NDST1: variants seen among roughly 807,000 people sequenced by gnomAD.
NDST1 encodes the protein bifunctional heparan sulfate N-deacetylase/N-sulfotransferase 1.
A neutral mutation model predicts 92.8 loss-of-function variants in NDST1; 35 were observed. That is an observed-to-expected ratio of 0.38 (90% confidence interval 0.29 to 0.50). The LOEUF is 0.50. Among genes scored for constraint, NDST1 ranks in the 20% least tolerant of loss-of-function variants. NDST1 has a pLI of 0.94. For synonymous variants in NDST1, 493 were observed against 500.3 expected (o/e 0.99, Z 0.19); for missense variants, 822 against 1,182.7 (o/e 0.69, Z 4.47).
intron 1 of NDST1, among the ~76,000 whole-genome samples, chr5:150,513,887 G>T (rs1270032864): frequency 6.6e-6 from 1 of 152,260 alleles, no homozygotes; most frequent in African/African-American, 2.4e-5. Flanking sequence ...CAACTCCAGA[G>T]CAGTGGCCAC....
upstream of NDST1, among the ~76,000 whole-genome samples, chr5:150,503,304 C>T (rs536608185): frequency 2.6e-5 from 4 of 152,098 alleles, no homozygotes; most frequent in South Asian, 4.1e-4. Context: ...TAGCCAGACA[C>T]GGTGGCACAC....
chr5:150,535,880 A>G lies in NDST1; in HGVS notation c.1432A>G (p.Ile478Val), dbSNP rs373125426. ...CCGCCGTGGCTTCATCCACAATGGC[A>G]TCATGGTGAGTGGGCCCCTGGAAGC... ...RYRRGFIHNG[I>V]MVLPRQTCGL... The change falls in exon 6 of 15, where the codon ATC (isoleucine) becomes GTC (valine). Residue 478 changes from isoleucine to valine, a missense_variant. By Grantham distance (29) the Ile-to-Val change is conservative. Transcript: ENST00000261797. 1.9e-6 allele frequency: 3 copies of G among 1,613,414 alleles called. No homozygotes were observed. Among genetic ancestry groups the G allele is most frequent in the East Asian group, 2.2e-5 (1 of 44,852 alleles).
intron 11 of NDST1, among the ~76,000 whole-genome samples, chr5:150,546,198 A>G (rs903713968): frequency 1.3e-5 from 2 of 152,026 alleles, no homozygotes; most frequent in Non-Finnish European, 2.9e-5. Context: ...GGGTTTCACC[A>G]TGTTGGCCAG....
intron 2 of NDST1, among the ~76,000 whole-genome samples, chr5:150,522,015 G>A (rs1754259241): frequency 6.6e-6 from 1 of 152,202 alleles, no homozygotes; most frequent in Non-Finnish European, 1.5e-5. Context: ...CACAGCAGGT[G>A]CTTGCCTAAA....
rs376027960 is a variant in NDST1 at position 150,540,068 on chromosome 5, C to T, written c.1567-14C>T. 5.6e-5 allele frequency: 90 copies of T among 1,614,060 alleles called. No individual in the cohort carries two copies. Among genetic ancestry groups the T allele is most frequent in the Non-Finnish European group, 7.5e-5 (88 of 1,180,022 alleles). On this transcript the variant is annotated splice_polypyrimidine_tract_variant and intron_variant, in intron 7 of 14. Coordinates refer to ENST00000261797, the MANE Select transcript of NDST1 (RefSeq NM_001543.5). Reference sequence around the variant, plus strand: ...TGATGGGCCCTGCCTCTCTCCTCCCCTCCCCTGGAGCAGATCAGCATCTTC... The same window carrying T: ...TGATGGGCCCTGCCTCTCTCCTCCCTTCCCCTGGAGCAGATCAGCATCTTC...
intron 2 of NDST1, among the ~76,000 whole-genome samples, chr5:150,523,286 G>A (rs182632209): frequency 2.0e-5 from 3 of 152,162 alleles, no homozygotes; most frequent in Non-Finnish European, 2.9e-5. Context: ...CCATTGTCTG[G>A]TTGTCTCTTT....
At chr5:150,528,369 C>T (rs952354299) in intron 3 of NDST1, 71 bp downstream of exon 3, 17 of 1,514,234 alleles carry the variant, frequency 1.1e-5, no homozygotes, top group African/African-American at 4.1e-5. Context: ...GGTGCCCCAT[C>T]GTGGGTGTGC....
At chr5:150,527,345 A>G (rs1241819870) in intron 2 of NDST1, among the ~76,000 whole-genome samples, 3 of 152,232 alleles carry the variant, frequency 2.0e-5, no homozygotes, top group Non-Finnish European at 4.4e-5. Flanking sequence ...GATACTGATC[A>G]TCCTCTACCA....
Position 150,548,365 on chromosome 5 carries a change from C to T in NDST1, c.2293C>T (p.Leu765Phe). Residue 765 changes from leucine (L) to phenylalanine (F), a missense_variant, in exon 12 of 15, where the codon CTC becomes TTC. By Grantham distance (22) the Leu-to-Phe change is conservative. Transcript: ENST00000261797. The part of the protein sequence containing the change: ...GWYATHIERW[L>F]SAYHANQILV... Reference sequence around the variant, plus strand: ...GTACGCCACCCACATCGAGCGCTGGCTCAGTGCCTATCACGCCAACCAGGT... The same window carrying T: ...GTACGCCACCCACATCGAGCGCTGGTTCAGTGCCTATCACGCCAACCAGGT... The T allele has an allele frequency of 6.2e-7, 1 of 1,613,050 alleles. No homozygotes were observed. The highest frequency in any genetic ancestry group is 2.2e-5 in the East Asian group (1 of 44,880).
At position 150,545,443 on chromosome 5, in the gene NDST1, C is replaced by G. The variant is rs141935011; in HGVS notation, c.2102C>G (p.Thr701Ser). ...AALLPKAKVL[T>S]ILINPADRAY... Reference sequence around the variant, plus strand: ...CTCTTGCCCAAAGCCAAGGTCCTGACCATCCTCATCAACCCCGCGGACCGG... The same window carrying G: ...CTCTTGCCCAAAGCCAAGGTCCTGAGCATCCTCATCAACCCCGCGGACCGG... The change falls in exon 11 of 15, where the codon ACC (threonine) becomes AGC (serine). Residue 701 changes from threonine to serine, a missense_variant. Coordinates refer to ENST00000261797, the MANE Select transcript of NDST1 (RefSeq NM_001543.5). 229 of 1,614,258 alleles carry G rather than the reference C, an allele frequency of 1.4e-4. 2 individuals carry two copies. The African/African-American group carries it at 2.7e-3, about 19-fold the overall frequency.
chr5:150,521,547 A>G lies in NDST1; in HGVS notation c.293A>G (p.Gln98Arg), dbSNP rs751678749. 6.2e-7 allele frequency: 1 copy of G among 1,613,992 alleles called. No homozygotes were observed. The highest frequency in any genetic ancestry group is 1.1e-5 in the South Asian group (1 of 91,078). The change falls in exon 2 of 15, where the codon CAG becomes CGG. Residue 98 changes from glutamine (Q) to arginine (R), a missense_variant. By Grantham distance (43) the Gln-to-Arg change is conservative (BLOSUM62 1). Coordinates refer to ENST00000261797, the MANE Select transcript of NDST1 (RefSeq NM_001543.5). The surrounding 1 kb of genome is among the most constrained non-coding windows in gnomAD (Gnocchi z 5.9). ...GAGAGCCTCTACTCGCAACTGGGCCAGGAGGTGGTGGCCATCCTGGAGTCC... is the reference window on the plus strand; with the variant it reads ...GAGAGCCTCTACTCGCAACTGGGCCGGGAGGTGGTGGCCATCCTGGAGTCC... ...FVESLYSQLG[Q>R]EVVAILESSR...
At chr5:150,541,529 G>T in intron 8 of NDST1, 41 bp from the exon 9 acceptor site, 1 of 1,585,752 alleles carries the variant, frequency 6.3e-7, no homozygotes, top group South Asian at 1.1e-5. Context: ...CACTGACTGG[G>T]TTCTGGGGCG....
At chr5:150,550,118 T>C (rs1262888454) in intron 13 of NDST1, among the ~76,000 whole-genome samples, 1 of 152,020 alleles carries the variant, frequency 6.6e-6, no homozygotes, top group East Asian at 1.9e-4. Context: ...TTTTTTTTTT[T>C]TTTAGACAGG....
chr5:150,540,452 A>G (rs1339075789), intron 8 of NDST1, among the ~76,000 whole-genome samples, 188 bp downstream of exon 8: 1 of 152,136 alleles, frequency 6.6e-6, no homozygotes, highest in Non-Finnish European at 1.5e-5. Context: ...GCATGCTCAT[A>G]CATGTACATA....
intron 1 of NDST1, among the ~76,000 whole-genome samples, chr5:150,499,733 G>A (rs75909039): frequency 0.021 from 3,240 of 152,252 alleles, 111 homozygotes; most frequent in African/African-American, 0.073. Flanking sequence ...TGACCCAGGC[G>A]GCTTCTTAAG....
upstream of NDST1, among the ~76,000 whole-genome samples, chr5:150,507,900 G>A (rs1444171632): frequency 1.3e-5 from 2 of 152,172 alleles, no homozygotes; most frequent in South Asian, 2.1e-4. Context: ...TGAGGCAGGC[G>A]AGGTGCCAGT....
At chr5:150,548,179 C>T (rs1402259576) in intron 11 of NDST1, 39 bp from the exon 12 acceptor site, 30 of 1,613,640 alleles carry the variant, frequency 1.9e-5, no homozygotes, top group Non-Finnish European at 2.4e-5. Flanking sequence ...TCCTTTGTGT[C>T]CTCCAAGTGG....
At chr5:150,541,430 G>C in intron 8 of NDST1, 140 bp from the exon 9 acceptor site, 1 of 767,228 alleles carries the variant, frequency 1.3e-6, no homozygotes, top group Non-Finnish European at 2.3e-6. Flanking sequence ...TCAGTGTCTG[G>C]GGGTGGGGAT....
At chr5:150,549,115 G>A (rs1370155139) in intron 12 of NDST1, among the ~76,000 whole-genome samples, 4 of 152,236 alleles carry the variant, frequency 2.6e-5, no homozygotes, top group Middle Eastern at 3.4e-3. Flanking sequence ...GGGTTCAAGC[G>A]TTTCTTCCAC....
Sources: gnomAD v4.1 joint callset for allele counts (sites outside exome capture counted in the v4.1 genomes callset) on GRCh38, gnomAD v4.1.1 for gene constraint, Gnocchi (gnomAD v3.1) non-coding constraint, MANE v1.5 for transcripts, NCBI Gene and HGNC (gene_info 2026-07-23, HGNC 2026-07-21) for gene names.